Variants in NPAS3 observed in about 807,000 individuals in gnomAD.
NPAS3 encodes the protein neuronal PAS domain-containing protein 3.
A neutral mutation model predicts 73.1 loss-of-function variants in NPAS3; 14 were observed. The ratio of observed to expected loss-of-function variants is 0.19; its 90% CI spans 0.13 to 0.30. The LOEUF is 0.30. NPAS3 is among the 10% of genes least tolerant of loss of function. The probability of loss-of-function intolerance (pLI) is 1.00; values close to 1 mark genes in which losing one functional copy is unlikely to be tolerated. For synonymous variants in NPAS3, 620 were observed against 541.5 expected, an observed-to-expected ratio of 1.14 and a Z score of -2.01; for missense variants, 1,096 against 1,250.0, an observed-to-expected ratio of 0.88 and a Z score of 1.86.
chr14:33,751,672 C>T (rs1483098776), intron 7 of NPAS3, among the ~76,000 whole-genome samples: 1 of 152,154 alleles, frequency 6.6e-6, no homozygotes, highest in African/African-American at 2.4e-5. Context: ...TAGTAAAACC[C>T]CTGACCTTTC....
At chr14:33,348,737 G>A (rs998190229) in intron 3 of NPAS3, among the ~76,000 whole-genome samples, 15 of 139,416 alleles carry the variant, frequency 1.1e-4, no homozygotes, top group East Asian at 6.2e-4. Context: ...TGGAGCTCCC[G>A]TTCACATCTG....
rs1302017859 is a variant in NPAS3 at position 33,800,579 on chromosome 14, A to G, written c.2272A>G (p.Lys758Glu). The change falls in exon 12 of 12, where the codon AAG becomes GAG. Residue 758 changes from lysine (K) to glutamate (E), a missense_variant. Coordinates refer to ENST00000356141, the Ensembl canonical transcript of NPAS3. This position sits in a 1 kb window ranked among gnomAD's most constrained non-coding sequence, Gnocchi z 6.5. ...CCCGCTCTCGGCGTCCCCGCGGGAC[A>G]AGCACCCCGGGAACGGCGGCGGGGG... The G allele has an allele frequency of 7.7e-7, 1 of 1,305,442 alleles. No homozygotes were observed. Among genetic ancestry groups the G allele is most frequent in the Non-Finnish European group, 9.7e-7 (1 of 1,036,152 alleles). The allele number at this position is 1,305,442 out of a possible 1,614,324, so 80.9% of individuals were successfully genotyped here.
chr14:33,717,496 A>G (rs966803180), intron 6 of NPAS3, among the ~76,000 whole-genome samples: 22 of 152,166 alleles, frequency 1.4e-4, no homozygotes, highest in Admixed American at 7.2e-4. Flanking sequence ...CTAAGTACAT[A>G]GAGATAGATA....
At chr14:33,288,149 T>A (rs964001178) in intron 3 of NPAS3, among the ~76,000 whole-genome samples, 3 of 152,182 alleles carry the variant, frequency 2.0e-5, no homozygotes, top group Admixed American at 6.5e-5. Context: ...TCTGTACAGT[T>A]TGGCATGGGT....
intron 4 of NPAS3, among the ~76,000 whole-genome samples, chr14:33,503,130 G>C (rs2052597810): frequency 6.6e-6 from 1 of 151,864 alleles, no homozygotes; most frequent in African/African-American, 2.4e-5. Flanking sequence ...CACATAAAAT[G>C]ATGGCAGAAA....
At chr14:33,295,269 C>G (rs2042249892) in intron 3 of NPAS3, among the ~76,000 whole-genome samples, 1 of 152,182 alleles carries the variant, frequency 6.6e-6, no homozygotes, top group Non-Finnish European at 1.5e-5. Context: ...TACCTCCCAG[C>G]TCCCGTAAGT....
At chr14:33,192,642 A>G (rs2046212000) in intron 2 of NPAS3, among the ~76,000 whole-genome samples, 1 of 152,174 alleles carries the variant, frequency 6.6e-6, no homozygotes, top group Non-Finnish European at 1.5e-5. Flanking sequence ...ATACGGGGGG[A>G]AACAAAAGGA....
At chr14:33,147,868 A>G (rs1420249003) in intron 2 of NPAS3, among the ~76,000 whole-genome samples, 1 of 151,684 alleles carries the variant, frequency 6.6e-6, no homozygotes, top group East Asian at 1.9e-4. Context: ...ATAAAAACTC[A>G]TTATAAATAC....
intron 4 of NPAS3, among the ~76,000 whole-genome samples, chr14:33,486,453 T>A (rs10129619): frequency 1.3e-5 from 2 of 152,018 alleles, no homozygotes; most frequent in African/African-American, 4.8e-5. Flanking sequence ...CTCAAATCAC[T>A]TATCTTACCA....
At chr14:33,704,246 A>G (rs1226027443) in intron 6 of NPAS3, among the ~76,000 whole-genome samples, 2 of 152,232 alleles carry the variant, frequency 1.3e-5, no homozygotes, top group Non-Finnish European at 2.9e-5. Context: ...GTGTGTGTAC[A>G]TATAAATTAT....
intron 2 of NPAS3, among the ~76,000 whole-genome samples, chr14:33,086,813 G>A (rs1003765210): frequency 1.3e-5 from 2 of 152,022 alleles, no homozygotes; most frequent in African/African-American, 4.8e-5. Context: ...ACATTCATCT[G>A]GGGTTATTGT....
chr14:33,359,274 A>G (rs888571079), intron 3 of NPAS3, among the ~76,000 whole-genome samples: 2 of 152,240 alleles, frequency 1.3e-5, no homozygotes, highest in Non-Finnish European at 1.5e-5. Flanking sequence ...TGGCCTAGGA[A>G]GGCCTAGAGG....
exon 7 of NPAS3, chr14:33,735,306 G>A: frequency 6.2e-7 from 1 of 1,613,406 alleles, no homozygotes; most frequent in East Asian, 2.2e-5. Flanking sequence ...CAAACGCGGT[G>A]TGCACATCAA....
At chr14:33,317,809 T>A (rs1246805088) in intron 3 of NPAS3, among the ~76,000 whole-genome samples, 2 of 152,076 alleles carry the variant, frequency 1.3e-5, no homozygotes, top group African/African-American at 4.8e-5. Context: ...ATTAGCAGCA[T>A]GAGAATGGAC....
At chr14:33,225,106 A>G (rs1002834351) in intron 3 of NPAS3, among the ~76,000 whole-genome samples, 13 of 152,268 alleles carry the variant, frequency 8.5e-5, no homozygotes, top group East Asian at 3.9e-4. Flanking sequence ...TCAACATTCT[A>G]AAGTGCTTCA....
chr14:33,698,907 G>A (rs2060457256), intron 6 of NPAS3, among the ~76,000 whole-genome samples: 1 of 152,154 alleles, frequency 6.6e-6, no homozygotes, highest in South Asian at 2.1e-4. Flanking sequence ...GTCCAGATAT[G>A]GAACCCAGTT....
intron 1 of NPAS3, among the ~76,000 whole-genome samples, chr14:33,002,723 T>C (rs772155692): frequency 1.3e-5 from 2 of 152,184 alleles, no homozygotes; most frequent in African/African-American, 4.8e-5. Flanking sequence ...TGGTAGCAAA[T>C]TGGGAATGAA....
intron 2 of NPAS3, among the ~76,000 whole-genome samples, chr14:33,092,632 T>C (rs2042266689): frequency 6.6e-6 from 1 of 152,190 alleles, no homozygotes; most frequent in South Asian, 2.1e-4. Context: ...AAAGTTCATA[T>C]GGAACCTAAA....
chr14:33,245,034 C>G (rs1208279876), intron 3 of NPAS3, among the ~76,000 whole-genome samples: 1 of 152,124 alleles, frequency 6.6e-6, no homozygotes, highest in Non-Finnish European at 1.5e-5. Flanking sequence ...GTTCCTCACC[C>G]TGGCAGTTCT....
Sources: gnomAD v4.1 joint callset for allele counts (sites outside exome capture counted in the v4.1 genomes callset) on GRCh38, gnomAD v4.1.1 for gene constraint, Gnocchi (gnomAD v3.1) non-coding constraint, MANE v1.5 for transcripts, NCBI Gene and HGNC (gene_info 2026-07-23, HGNC 2026-07-21) for gene names.